SLC25A21: variants seen among roughly 807,000 people sequenced by gnomAD.
SLC25A21 encodes the protein mitochondrial 2-oxodicarboxylate carrier.
Under a neutral mutation model 43.8 loss-of-function variants are expected in SLC25A21, and 47 were observed. That is an observed-to-expected ratio of 1.07 (90% CI 0.85 to 1.37). SLC25A21 has a LOEUF of 1.37. Ranked by LOEUF, SLC25A21 falls within the 40% of genes most tolerant of loss-of-function variation. SLC25A21 has a pLI of 0.00. For synonymous variants in SLC25A21, 131 were observed against 121.3 expected (o/e 1.08, Z -0.52); for missense variants, 352 against 350.2 (o/e 1.00, Z -0.04).
intron 3 of SLC25A21, among the ~76,000 whole-genome samples, chr14:36,794,625 A>T (rs1348279294): frequency 6.6e-6 from 1 of 152,024 alleles, no homozygotes; most frequent in Non-Finnish European, 1.5e-5. Context: ...AAAATTAGCC[A>T]GGTGTGGGTG....
chr14:37,125,260 T>A (rs1963277616), intron 1 of SLC25A21, among the ~76,000 whole-genome samples: 1 of 152,190 alleles, frequency 6.6e-6, no homozygotes, highest in African/African-American at 2.4e-5. Flanking sequence ...AAATGGCATC[T>A]GCAAATGAGT....
At chr14:36,872,600 AT>A (rs1215576080) in intron 2 of SLC25A21, among the ~76,000 whole-genome samples, 1 of 152,140 alleles carries the variant, frequency 6.6e-6, no homozygotes, top group Non-Finnish European at 1.5e-5. Flanking sequence ...TTACTCTATG[AT>A]TGTGAATCTT....
At chr14:37,155,557 C>G (rs548129092) in intron 1 of SLC25A21, among the ~76,000 whole-genome samples, 1 of 152,146 alleles carries the variant, frequency 6.6e-6, no homozygotes, top group South Asian at 2.1e-4. Context: ...ATCTAGTCAC[C>G]TATAAAGAAA....
chr14:37,141,198 G>C (rs377404287), intron 1 of SLC25A21, among the ~76,000 whole-genome samples: 1 of 152,110 alleles, frequency 6.6e-6, no homozygotes, highest in Non-Finnish European at 1.5e-5. Context: ...TTTGTATTAC[G>C]AGGAAGAAAT....
chr14:37,119,534 G>A (rs185553352), intron 1 of SLC25A21, among the ~76,000 whole-genome samples: 5 of 150,924 alleles, frequency 3.3e-5, no homozygotes, highest in Admixed American at 3.3e-4. Context: ...TCCAGCCTAG[G>A]CGACAGAGTG....
intron 9 of SLC25A21, among the ~76,000 whole-genome samples, chr14:36,682,266 G>T (rs1410495748): frequency 6.6e-6 from 1 of 151,084 alleles, no homozygotes; most frequent in East Asian, 1.9e-4. Context: ...TTTCTTTCTA[G>T]GTTTCTTTGC....
intron 1 of SLC25A21, among the ~76,000 whole-genome samples, chr14:37,152,096 A>G (rs1296010706): frequency 6.6e-6 from 1 of 152,182 alleles, no homozygotes; most frequent in South Asian, 2.1e-4. Flanking sequence ...CATAGTAAGC[A>G]TTCAGTAAAT....
chr14:36,942,488 C>G (rs550210813), intron 1 of SLC25A21, among the ~76,000 whole-genome samples: 1 of 152,216 alleles, frequency 6.6e-6, no homozygotes, highest in East Asian at 1.9e-4. Context: ...TTATTTTAAT[C>G]TATGCTTTCT....
intron 1 of SLC25A21, among the ~76,000 whole-genome samples, chr14:37,100,643 G>A (rs1962799761): frequency 6.6e-6 from 1 of 152,268 alleles, no homozygotes; most frequent in Non-Finnish European, 1.5e-5. Context: ...ACACCATTCA[G>A]GTTTAGAGCC....
chr14:37,160,545 T>C (rs1963921798), intron 1 of SLC25A21, among the ~76,000 whole-genome samples: 1 of 151,726 alleles, frequency 6.6e-6, no homozygotes, highest in African/African-American at 2.4e-5. Context: ...AGTAGAAAAA[T>C]AGATAACAGA....
chr14:36,842,676 G>A (rs1889421802), intron 2 of SLC25A21, among the ~76,000 whole-genome samples: 1 of 152,188 alleles, frequency 6.6e-6, no homozygotes, highest in South Asian at 2.1e-4. Flanking sequence ...ATAAAGACAG[G>A]AGAAGATCAC....
intron 1 of SLC25A21, among the ~76,000 whole-genome samples, chr14:37,086,378 A>G (rs560960458): frequency 1.3e-5 from 2 of 152,212 alleles, no homozygotes; most frequent in African/African-American, 4.8e-5. Flanking sequence ...AGGATATGAG[A>G]GTTAAGGTAA....
At chr14:37,172,228 A>G (rs1964144437) in intron 1 of SLC25A21, 53 bp downstream of exon 1, 3 of 1,520,970 alleles carry the variant, frequency 2.0e-6, no homozygotes, top group African/African-American at 1.4e-5. Flanking sequence ...GTTTCAGGAC[A>G]CGCGGTGGGG....
At position 37,143,589 on chromosome 14, in the gene SLC25A21, C is replaced by CGTGTGTGTGT. The variant is rs10531936; in HGVS notation, c.70+28682_70+28691dup. On this transcript the variant is annotated intron_variant, in intron 1 of 9. Transcript: ENST00000331299. ...GCATTTTAATGTGTCTGTTCATTAG[C>CGTGTGTGTGT]GTGTGTGTGTGTGTGTGTGTGTGTG... is the stretch of plus-strand genomic sequence containing the variant. 4.9e-3 allele frequency among the ~76,000 whole-genome samples: 727 copies of CGTGTGTGTGT among 148,642 alleles called. 3 individuals are homozygous for CGTGTGTGTGT. The highest frequency in any genetic ancestry group is 0.022 in the East Asian group (111 of 5,026).
At chr14:36,743,546 A>G (rs1195931651) in intron 3 of SLC25A21, among the ~76,000 whole-genome samples, 1 of 152,112 alleles carries the variant, frequency 6.6e-6, no homozygotes, top group African/African-American at 2.4e-5. Context: ...AATAAAAGCC[A>G]TCCATATATG....
At chr14:36,769,889 T>C (rs188357216) in intron 3 of SLC25A21, among the ~76,000 whole-genome samples, 32 of 152,330 alleles carry the variant, frequency 2.1e-4, no homozygotes, top group Non-Finnish European at 4.0e-4. Flanking sequence ...CTACCATATT[T>C]AGTGTTGTAT....
chr14:37,163,254 C>T (rs1387170424), intron 1 of SLC25A21, among the ~76,000 whole-genome samples: 1 of 151,392 alleles, frequency 6.6e-6, no homozygotes, highest in African/African-American at 2.4e-5. Context: ...AACTAACCTG[C>T]ACATTGTGCA....
chr14:37,106,506 T>C (rs1398574700), intron 1 of SLC25A21, among the ~76,000 whole-genome samples: 1 of 152,086 alleles, frequency 6.6e-6, no homozygotes, highest in African/African-American at 2.4e-5. Context: ...CTGGTAAATT[T>C]AAGGTCAGAC....
chr14:36,907,656 C>T (rs192005025), intron 1 of SLC25A21, among the ~76,000 whole-genome samples: 11 of 151,970 alleles, frequency 7.2e-5, no homozygotes, highest in South Asian at 2.1e-4. Context: ...GTTTTTGGAA[C>T]GAACCAAGCA....
Sources: gnomAD v4.1 joint callset for allele counts (sites outside exome capture counted in the v4.1 genomes callset) on GRCh38, gnomAD v4.1.1 for gene constraint, MANE v1.5 for transcripts, NCBI Gene and HGNC (gene_info 2026-07-23, HGNC 2026-07-21) for gene names.